NPAT: variants seen among roughly 807,000 people sequenced by gnomAD.
NPAT encodes the protein protein NPAT.
NPAT carries 52 observed loss-of-function variants against 130.7 expected under a neutral mutation model. The ratio of observed to expected loss-of-function variants is 0.40; its 90% CI spans 0.32 to 0.50. The LOEUF (loss-of-function observed/expected upper bound fraction) is 0.50. Ranked by LOEUF, NPAT falls within the 20% of genes least tolerant of loss-of-function variation. The pLI, the probability that NPAT is intolerant of heterozygous loss-of-function variation, is 0.68. For synonymous variants in NPAT, 580 were observed against 584.8 expected (o/e 0.99, Z 0.12); for missense variants, 1,687 against 1,662.6 (o/e 1.01, Z -0.26).
chr11:108,222,355 G>C (rs2078528009), intron 1 of NPAT, 145 bp downstream of exon 1: 1 of 838,082 alleles, frequency 1.2e-6, no homozygotes, highest in Admixed American at 2.0e-5. Flanking sequence ...ACCTCCGAAT[G>C]ACGAAGAATC....
chr11:108,173,570 T>C lies in NPAT; in HGVS notation c.1414A>G (p.Thr472Ala), dbSNP rs1302852997. ...ECNPHCAELY[T>A]NQMSTETEMA... ...TCAGTTTCAGTGGACATCTGATTGG[T>C]GTATAATTCAGCACAATGTGGATTA... The change falls in exon 13 of 18, where the codon ACC becomes GCC. Residue 472 changes from threonine (T) to alanine (A), a missense_variant. Coordinates refer to ENST00000278612, the MANE Select transcript of NPAT (RefSeq NM_002519.3). The C allele has an allele frequency of 1.2e-6, 2 of 1,614,088 alleles. No homozygotes were observed. Among genetic ancestry groups the C allele is most frequent in the African/African-American group, 1.3e-5 (1 of 74,934 alleles).
At chr11:108,166,159 C>T (rs1253573427) in intron 15 of NPAT, among the ~76,000 whole-genome samples, 1 of 151,564 alleles carries the variant, frequency 6.6e-6, no homozygotes, top group African/African-American at 2.4e-5. Context: ...TTTGGGAGGC[C>T]GAGGTGGGGG....
At position 108,165,963 on chromosome 11, in the gene NPAT, C is replaced by A. The variant is rs867884459; in HGVS notation, c.3010+3781G>T. ...CTGGCTAATTTTTTAAAAAAAAATT[C>A]TGTAAAGACAGAGTCTCATTATGTT... On this transcript the variant is annotated intron_variant, in intron 15 of 17. Coordinates refer to ENST00000278612, the MANE Select transcript of NPAT (RefSeq NM_002519.3). 2.2e-5 allele frequency among the ~76,000 whole-genome samples: 3 copies of A among 138,470 alleles called. No homozygotes were observed. The East Asian group carries it at 6.8e-4, about 31-fold the overall frequency. The allele number at this position is 138,470 out of a possible 152,430, so 90.8% of individuals were successfully genotyped here.
At chr11:108,162,283 G>A in intron 15 of NPAT, 103 bp from the exon 16 acceptor site, 1 of 979,440 alleles carries the variant, frequency 1.0e-6, no homozygotes, top group Admixed American at 2.2e-5. Flanking sequence ...ATTTTAAATG[G>A]TAGCTAATGT....
chr11:108,189,782 A>G (rs577047296), intron 5 of NPAT, among the ~76,000 whole-genome samples: 1 of 150,256 alleles, frequency 6.7e-6, no homozygotes, highest in African/African-American at 2.4e-5. Context: ...AGGCAGGAGA[A>G]TGGCGTGAAC....
intron 3 of NPAT, 81 bp downstream of exon 3, chr11:108,193,876 C>A (rs2078194894): frequency 1.1e-6 from 1 of 892,034 alleles, no homozygotes; most frequent in African/African-American, 1.7e-5. Context: ...ACATTAATAA[C>A]CTTTAGAAAT....
At chr11:108,193,887 C>G in intron 3 of NPAT, 70 bp downstream of exon 3, 1 of 960,436 alleles carries the variant, frequency 1.0e-6, no homozygotes, top group South Asian at 1.4e-5. Context: ...CTTTAGAAAT[C>G]ATTTTTAACT....
chr11:108,176,104 TG>T, intron 12 of NPAT, 141 bp downstream of exon 12: 1 of 653,152 alleles, frequency 1.5e-6, no homozygotes, highest in South Asian at 1.9e-5. Flanking sequence ...GATTTATAAT[TG>T]TTTTTAACAG....
chr11:108,197,470 G>C, intron 1 of NPAT, 50 bp from the exon 2 acceptor site: 1 of 1,132,052 alleles, frequency 8.8e-7, no homozygotes, highest in Non-Finnish European at 1.3e-6. Context: ...CTGTACTTTT[G>C]GTTAAAACTG....
intron 12 of NPAT, among the ~76,000 whole-genome samples, chr11:108,175,749 T>C (rs2077999608): frequency 6.6e-6 from 1 of 152,184 alleles, no homozygotes. Flanking sequence ...GAGCAGGTGA[T>C]AACATTTAAA....
intron 10 of NPAT, among the ~76,000 whole-genome samples, chr11:108,179,319 G>A (rs561486447): frequency 6.6e-6 from 1 of 152,114 alleles, no homozygotes; most frequent in Admixed American, 6.5e-5. Flanking sequence ...CCAGGCTAGA[G>A]TGCAATGGCG....
intron 15 of NPAT, among the ~76,000 whole-genome samples, chr11:108,164,583 A>G (rs2077883526): frequency 1.3e-5 from 2 of 152,228 alleles, no homozygotes; most frequent in African/African-American, 2.4e-5. Flanking sequence ...GAGGAATTCA[A>G]TGGGTATATG....
chr11:108,181,159 T>C (rs1187589635), intron 10 of NPAT, among the ~76,000 whole-genome samples: 2 of 152,164 alleles, frequency 1.3e-5, no homozygotes, highest in African/African-American at 4.8e-5. Flanking sequence ...AAGAAGTAAC[T>C]ATGATTAAAT....
At chr11:108,200,135 C>A (rs1183955092) in intron 1 of NPAT, among the ~76,000 whole-genome samples, 1 of 152,178 alleles carries the variant, frequency 6.6e-6, no homozygotes, top group African/African-American at 2.4e-5. Context: ...AGGCAACTTC[C>A]CCTACCTGCG....
chr11:108,166,786 A>G (rs1050793421), intron 15 of NPAT, among the ~76,000 whole-genome samples: 3 of 152,142 alleles, frequency 2.0e-5, no homozygotes, highest in Non-Finnish European at 4.4e-5. Context: ...TAGATTTTAT[A>G]GTTTTTCCCA....
intron 11 of NPAT, 104 bp downstream of exon 11, chr11:108,176,890 G>C (rs1463701404): frequency 3.4e-5 from 25 of 725,414 alleles, no homozygotes; most frequent in Non-Finnish European, 5.1e-5. Flanking sequence ...ATGAAAACAA[G>C]AACTTTTTTA....
intron 1 of NPAT, among the ~76,000 whole-genome samples, chr11:108,209,348 A>G (rs1328136754): frequency 6.6e-6 from 1 of 151,918 alleles, no homozygotes; most frequent in African/African-American, 2.4e-5. Flanking sequence ...GCATATGCCT[A>G]TAATCCCACC....
intron 1 of NPAT, among the ~76,000 whole-genome samples, chr11:108,199,499 G>C (rs898390949): frequency 6.6e-6 from 1 of 152,174 alleles, no homozygotes; most frequent in Non-Finnish European, 1.5e-5. Context: ...GGCTTGTCTG[G>C]GATCTGTGCA....
In NPAT at chr11:108,163,472, G is replaced by A. The variant is rs550294609; in HGVS notation, c.3011-1292C>T. The stretch of plus-strand genomic sequence containing the variant: ...TGTGGAAGATGGAACTGAGAAGACA[G>A]AAAACTGGAAGTAGAAACTCTATGT... On this transcript the variant is annotated intron_variant, in intron 15 of 17. Transcript: ENST00000278612. Among the ~76,000 whole-genome samples, 3 of 152,288 alleles carry A rather than the reference G, an allele frequency of 2.0e-5. No individual in the cohort carries two copies. The South Asian group carries it at 6.2e-4, about 32-fold the overall frequency.
Sources: allele counts gnomAD v4.1 joint callset (sites outside exome capture counted in the v4.1 genomes callset), GRCh38; gene constraint gnomAD v4.1.1; transcripts MANE v1.5; gene names NCBI Gene and HGNC (gene_info 2026-07-23, HGNC 2026-07-21).